The following CADPS2 variants were observed in gnomAD, a reference collection of about 807,000 sequenced individuals.
The protein encoded by CADPS2 is calcium dependent secretion activator 2, also known as calcium-dependent secretion activator 2.
Under a neutral mutation model 172.5 loss-of-function variants are expected in CADPS2, and 93 were observed. That is an observed-to-expected ratio of 0.54 (90% CI 0.46 to 0.64). The LOEUF (loss-of-function observed/expected upper bound fraction) is 0.64, where lower values mean the gene tolerates loss of function less well. CADPS2 is among the 30% of genes least tolerant of loss of function. CADPS2 has a pLI of 0.00. For synonymous variants in CADPS2, 546 were observed against 555.2 expected (o/e 0.98, Z 0.23); for missense variants, 1,420 against 1,565.9 (o/e 0.91, Z 1.57).
chr7:122,432,471 C>T (rs1210599537), intron 17 of CADPS2, among the ~76,000 whole-genome samples: 3 of 151,744 alleles, frequency 2.0e-5, no homozygotes, highest in Admixed American at 2.0e-4. Flanking sequence ...GAAACCCCAT[C>T]TCTACCAAAA....
chr7:122,605,194 C>A (rs544210516), intron 6 of CADPS2, among the ~76,000 whole-genome samples: 1 of 152,058 alleles, frequency 6.6e-6, no homozygotes, highest in Non-Finnish European at 1.5e-5. Context: ...CGGGAAGTTG[C>A]TCTAGGTGAG....
chr7:122,328,175 TAAAC>T (rs755134405), intron 28 of CADPS2, among the ~76,000 whole-genome samples: 10 of 140,352 alleles, frequency 7.1e-5, no homozygotes, highest in Admixed American at 1.4e-4. Context: ...GCACACACCT[TAAAC>T]AAACAATGAA....
chr7:122,577,984 T>C (rs1435591953), intron 7 of CADPS2, among the ~76,000 whole-genome samples: 1 of 151,990 alleles, frequency 6.6e-6, no homozygotes, highest in African/African-American at 2.4e-5. Flanking sequence ...ATACTATTCA[T>C]AAAACTTTAT....
intron 2 of CADPS2, among the ~76,000 whole-genome samples, chr7:122,695,391 TA>T (rs776104328): frequency 1.7e-4 from 26 of 152,192 alleles, no homozygotes; most frequent in Admixed American, 1.2e-3. Context: ...GAGAAAATGG[TA>T]TATAGCCCAC....
At chr7:122,869,329 TAAGA>T (rs1231668561) in intron 1 of CADPS2, among the ~76,000 whole-genome samples, 1 of 152,210 alleles carries the variant, frequency 6.6e-6, no homozygotes, top group Non-Finnish European at 1.5e-5. Context: ...AAAATCTGCA[TAAGA>T]AAGTGACTTG....
chr7:122,324,466 T>C (rs1436210462), intron 29 of CADPS2, among the ~76,000 whole-genome samples: 1 of 152,164 alleles, frequency 6.6e-6, no homozygotes, highest in Non-Finnish European at 1.5e-5. Context: ...CTTGTTAATC[T>C]ATAGATTACT....
chr7:122,665,148 T>G (rs1223753474), intron 2 of CADPS2, among the ~76,000 whole-genome samples: 2 of 152,084 alleles, frequency 1.3e-5, no homozygotes, highest in Non-Finnish European at 2.9e-5. Context: ...TACTCCCAAG[T>G]TATGATCATA....
At chr7:122,410,959 T>G (rs1034303546) in intron 19 of CADPS2, among the ~76,000 whole-genome samples, 1 of 152,188 alleles carries the variant, frequency 6.6e-6, no homozygotes, top group African/African-American at 2.4e-5. Flanking sequence ...ATTAAATAAC[T>G]TGCCCAAAGT....
Position 122,377,328 on chromosome 7 carries a change from T to G in CADPS2, c.3387+2040A>C, listed in dbSNP as rs1277052823. On this transcript the variant is annotated intron_variant, in intron 25 of 29. Coordinates refer to ENST00000449022, the MANE Select transcript of CADPS2 (RefSeq NM_017954.11). ...CTGATGTATTTGATATAGAAAAATT[T>G]AAGTGTCTTACTTTGCCAGAAATGG... Among the ~76,000 whole-genome samples the G allele has an allele frequency of 5.3e-5, 8 of 152,096 alleles. No homozygotes were observed. In the East Asian group the frequency reaches 1.4e-3, roughly 26 times the overall value.
At chr7:122,746,353 T>C (rs918329077) in intron 1 of CADPS2, among the ~76,000 whole-genome samples, 1 of 152,076 alleles carries the variant, frequency 6.6e-6, no homozygotes, top group Non-Finnish European at 1.5e-5. Flanking sequence ...ATTTCAAACA[T>C]TCAGAACCAC....
chr7:122,854,471 G>A (rs1476099574), intron 1 of CADPS2, among the ~76,000 whole-genome samples: 1 of 152,198 alleles, frequency 6.6e-6, no homozygotes, highest in Non-Finnish European at 1.5e-5. Context: ...AGAAAAGGCA[G>A]TAGAGAGAAA....
At chr7:122,826,090 A>G (rs1203548741) in intron 1 of CADPS2, among the ~76,000 whole-genome samples, 1 of 152,126 alleles carries the variant, frequency 6.6e-6, no homozygotes, top group African/African-American at 2.4e-5. Context: ...TTCCATTTCC[A>G]CTGAAGTGGT....
intron 4 of CADPS2, among the ~76,000 whole-genome samples, chr7:122,626,047 G>A (rs558058431): frequency 2.6e-5 from 4 of 152,296 alleles, no homozygotes; most frequent in African/African-American, 7.2e-5. Flanking sequence ...GGCCACCATC[G>A]CCAAAGTGGA....
intron 8 of CADPS2, among the ~76,000 whole-genome samples, chr7:122,532,143 T>G (rs2131346817): frequency 6.6e-6 from 1 of 152,324 alleles, no homozygotes; most frequent in East Asian, 1.9e-4. Context: ...TGGGAAATTC[T>G]ATCAATTGGC....
chr7:122,716,567 A>G (rs984932280), intron 2 of CADPS2, among the ~76,000 whole-genome samples: 1 of 152,152 alleles, frequency 6.6e-6, no homozygotes, highest in African/African-American at 2.4e-5. Context: ...ATTAGGAGAT[A>G]TACCTAAGGT....
chr7:122,831,660 T>G (rs1038097972), intron 1 of CADPS2, among the ~76,000 whole-genome samples: 2 of 152,300 alleles, frequency 1.3e-5, no homozygotes, highest in African/African-American at 4.8e-5. Flanking sequence ...GGCCAAAGCC[T>G]GTACTTGTGA....
intron 1 of CADPS2, among the ~76,000 whole-genome samples, chr7:122,867,362 C>T (rs1015307136): frequency 6.6e-6 from 1 of 152,132 alleles, no homozygotes; most frequent in Non-Finnish European, 1.5e-5. Context: ...TTGAAAGACT[C>T]CTGTGTACCA....
chr7:122,834,644 C>A (rs565451259), intron 1 of CADPS2, among the ~76,000 whole-genome samples: 1 of 152,214 alleles, frequency 6.6e-6, no homozygotes, highest in African/African-American at 2.4e-5. Flanking sequence ...TTATATACGG[C>A]GCCTGGCTTG....
chr7:122,541,746 T>TATATATTC (rs2063024956), intron 8 of CADPS2, among the ~76,000 whole-genome samples: 1 of 145,154 alleles, frequency 6.9e-6, no homozygotes, highest in African/African-American at 2.5e-5. Flanking sequence ...TTCATATATT[T>TATATATTC]ACATATATTC....
Sources: allele counts gnomAD v4.1 joint callset (sites outside exome capture counted in the v4.1 genomes callset), GRCh38; gene constraint gnomAD v4.1.1; transcripts MANE v1.5; gene names NCBI Gene and HGNC (gene_info 2026-07-23, HGNC 2026-07-21).